KIF26B: variants seen among roughly 807,000 people sequenced by gnomAD.
KIF26B encodes the protein kinesin-like protein KIF26B.
A neutral mutation model predicts 151.2 loss-of-function variants in KIF26B; 63 were observed. The observed-to-expected ratio is 0.42, with a 90% confidence interval of 0.34 to 0.51. KIF26B has a LOEUF of 0.51. Among genes scored for constraint, KIF26B ranks in the 20% least tolerant of loss-of-function variants. The probability of loss-of-function intolerance (pLI) is 0.07; values close to 1 mark genes in which losing one functional copy is unlikely to be tolerated. For synonymous variants in KIF26B, 1,357 were observed against 1,262.1 expected, an observed-to-expected ratio of 1.08 and a Z score of -1.59; for missense variants, 2,813 against 2,913.6, an observed-to-expected ratio of 0.97 and a Z score of 0.79.
intron 4 of KIF26B, among the ~76,000 whole-genome samples, chr1:245,508,686 G>T (rs1660772948): frequency 1.3e-5 from 2 of 152,156 alleles, no homozygotes; most frequent in South Asian, 4.1e-4. Context: ...AAGAGTGAGT[G>T]TAAGTTCGCT....
At chr1:245,383,403 T>G (rs1451275623) in intron 3 of KIF26B, among the ~76,000 whole-genome samples, 1 of 152,154 alleles carries the variant, frequency 6.6e-6, no homozygotes, top group Non-Finnish European at 1.5e-5. Flanking sequence ...TCGTGCAGGG[T>G]CCACTCTCCA....
chr1:245,589,885 C>T (rs765898785), intron 5 of KIF26B, among the ~76,000 whole-genome samples: 2 of 152,190 alleles, frequency 1.3e-5, no homozygotes, highest in African/African-American at 4.8e-5. Flanking sequence ...GCCATGTTAG[C>T]AAGCTCAAGT....
intron 2 of KIF26B, among the ~76,000 whole-genome samples, chr1:245,321,537 C>G (rs1387222409): frequency 6.6e-6 from 1 of 152,170 alleles, no homozygotes; most frequent in South Asian, 2.1e-4. Context: ...CAGCAAAACT[C>G]TCATTTCAGT....
chr1:245,658,238 A>C (rs1217289688), intron 10 of KIF26B, among the ~76,000 whole-genome samples: 2 of 152,018 alleles, frequency 1.3e-5, no homozygotes, highest in Non-Finnish European at 2.9e-5. Context: ...TTGCTGTACG[A>C]TTTTTCCATT....
intron 2 of KIF26B, chr1:245,282,807 C>T (rs540360500): frequency 2.7e-4 from 36 of 133,624 alleles, no homozygotes; most frequent in South Asian, 1.4e-3. Flanking sequence ...TTAAACTCTC[C>T]GCTCCTTTAA....
intron 2 of KIF26B, among the ~76,000 whole-genome samples, chr1:245,289,249 G>A (rs1158769652): frequency 1.3e-5 from 2 of 152,168 alleles, no homozygotes; most frequent in East Asian, 3.8e-4. Context: ...TGGTTACAGG[G>A]TGGGATTTGA....
At position 245,235,232 on chromosome 1, in the gene KIF26B, A is replaced by G. The variant is rs76375917; in HGVS notation, c.465+78549A>G. On this transcript the variant is annotated intron_variant, in intron 2 of 14. Coordinates refer to ENST00000407071, the MANE Select transcript of KIF26B (RefSeq NM_018012.4). ...TCAAAGGCCATAGTTAATTAAAGGT[A>G]GGTGTCCTTTGTCATTCAAAGTGAA... Among the ~76,000 whole-genome samples, 582 of 152,300 alleles carry G rather than the reference A, an allele frequency of 3.8e-3. 16 individuals are homozygous for G. In the East Asian group the frequency reaches 0.084, roughly 22 times the overall value.
intron 2 of KIF26B, among the ~76,000 whole-genome samples, chr1:245,349,796 T>C (rs1442204069): frequency 6.6e-6 from 1 of 152,192 alleles, no homozygotes; most frequent in Non-Finnish European, 1.5e-5. Flanking sequence ...TGTCTACAGC[T>C]GAGCTCTGTT....
intron 4 of KIF26B, among the ~76,000 whole-genome samples, chr1:245,528,023 A>G (rs1661278764): frequency 6.6e-6 from 1 of 152,070 alleles, no homozygotes. Flanking sequence ...GAACATAAAG[A>G]CCTGCAGTCA....
intron 14 of KIF26B, among the ~76,000 whole-genome samples, chr1:245,700,505 A>G (rs1300034896): frequency 6.6e-6 from 1 of 152,132 alleles, no homozygotes; most frequent in Non-Finnish European, 1.5e-5. Context: ...CAGCCTTGAC[A>G]ACATGGTGTG....
chr1:245,491,830 C>T (rs1272973431), intron 4 of KIF26B, among the ~76,000 whole-genome samples: 2 of 152,056 alleles, frequency 1.3e-5, no homozygotes, highest in African/African-American at 4.8e-5. Flanking sequence ...ACCACTTGAA[C>T]CTGGGAGGTG....
intron 11 of KIF26B, among the ~76,000 whole-genome samples, chr1:245,684,811 G>A (rs1401763578): frequency 6.6e-6 from 1 of 152,148 alleles, no homozygotes; most frequent in Non-Finnish European, 1.5e-5. Flanking sequence ...CTGCTCTCAG[G>A]GCCCCTCCCC....
chr1:245,401,869 CCAAACAAA>C (rs200388517), intron 3 of KIF26B, among the ~76,000 whole-genome samples: 12 of 118,338 alleles, frequency 1.0e-4, no homozygotes, highest in African/African-American at 4.8e-4. Context: ...GATTCCATCT[CCAAACAAA>C]CAAACAAACA....
rs1315826292 is a variant in KIF26B at position 245,318,280 on chromosome 1, G to T, written c.466-48554G>T. On this transcript the variant is annotated intron_variant, in intron 2 of 14. Coordinates refer to ENST00000407071, the MANE Select transcript of KIF26B (RefSeq NM_018012.4). This position sits in a 1 kb window ranked among gnomAD's most constrained non-coding sequence, Gnocchi z 4.0. ...CAACGTCAACTCTTGTCATTGCTTGGGGGGTAAAGGCAATACAAGGAATGA... is the reference window on the plus strand; with the variant it reads ...CAACGTCAACTCTTGTCATTGCTTGTGGGGTAAAGGCAATACAAGGAATGA... Among the ~76,000 whole-genome samples, 1 of 152,080 alleles carries T rather than the reference G, an allele frequency of 6.6e-6. No homozygotes were observed. Among genetic ancestry groups the T allele is most frequent in the Non-Finnish European group, 1.5e-5 (1 of 68,014 alleles).
intron 4 of KIF26B, among the ~76,000 whole-genome samples, chr1:245,433,936 G>A (rs140654346): frequency 5.9e-5 from 9 of 152,184 alleles, no homozygotes; most frequent in African/African-American, 2.2e-4. Context: ...AATTCTCTTG[G>A]GGGTCTGTAG....
chr1:245,174,311 T>C (rs1250637527), intron 2 of KIF26B, among the ~76,000 whole-genome samples: 4 of 152,146 alleles, frequency 2.6e-5, no homozygotes, highest in African/African-American at 9.7e-5. Flanking sequence ...TTGCCACTAT[T>C]TTCCCACCTT....
At position 245,607,635 on chromosome 1, in the gene KIF26B, C is replaced by T. The variant is rs1004109410; in HGVS notation, c.1558-16C>T. The T allele has an allele frequency of 5.0e-6, 8 of 1,596,652 alleles. No individual in the cohort carries two copies. The African/African-American group carries it at 5.4e-5, about 11-fold the overall frequency. ...GAGGTCCATTCACGGCTCGTGTCTC[C>T]TCTTGTGTCTGACAGGCTGAAGTGT... On this transcript the variant is annotated splice_polypyrimidine_tract_variant and intron_variant, in intron 6 of 14. Coordinates refer to ENST00000407071, the MANE Select transcript of KIF26B (RefSeq NM_018012.4).
intron 4 of KIF26B, among the ~76,000 whole-genome samples, chr1:245,533,768 G>C (rs1661430566): frequency 6.6e-6 from 1 of 151,218 alleles, no homozygotes; most frequent in South Asian, 2.1e-4. Flanking sequence ...GTAATAGTCT[G>C]ACAAATAGTC....
intron 2 of KIF26B, among the ~76,000 whole-genome samples, chr1:245,364,224 A>G (rs867013324): frequency 3.9e-5 from 6 of 152,176 alleles, no homozygotes; most frequent in African/African-American, 1.4e-4. Context: ...AATAAGCTGA[A>G]TAAAGAAGGT....
Sources: gnomAD v4.1 joint callset for allele counts (sites outside exome capture counted in the v4.1 genomes callset) on GRCh38, gnomAD v4.1.1 for gene constraint, Gnocchi (gnomAD v3.1) non-coding constraint, MANE v1.5 for transcripts, NCBI Gene and HGNC (gene_info 2026-07-23, HGNC 2026-07-21) for gene names.